The following FANK1 variants were observed in gnomAD, a reference collection of about 807,000 sequenced individuals.
The protein encoded by FANK1 is fibronectin type 3 and ankyrin repeat domains protein 1.
FANK1 carries 44 observed loss-of-function variants against 45.3 expected under a neutral mutation model. That is an observed-to-expected ratio of 0.97 (90% CI 0.76 to 1.25). The LOEUF (loss-of-function observed/expected upper bound fraction) is 1.25. Ranked by LOEUF, FANK1 falls within the 50% of genes most tolerant of loss-of-function variation. The probability of loss-of-function intolerance (pLI) is 0.00; values close to 1 mark genes in which losing one functional copy is unlikely to be tolerated. For synonymous variants in FANK1, 149 were observed against 152.5 expected, an observed-to-expected ratio of 0.98 and a Z score of 0.17; for missense variants, 391 against 424.4, an observed-to-expected ratio of 0.92 and a Z score of 0.69.
intron 1 of FANK1, among the ~76,000 whole-genome samples, chr10:125,967,171 G>T (rs1199538226): frequency 6.6e-6 from 1 of 152,030 alleles, no homozygotes; most frequent in Non-Finnish European, 1.5e-5. Context: ...TTTATTTTTT[G>T]TTGTGATTTA....
At chr10:125,952,217 G>A (rs1224439554) in intron 1 of FANK1, among the ~76,000 whole-genome samples, 1 of 152,052 alleles carries the variant, frequency 6.6e-6, no homozygotes, top group Non-Finnish European at 1.5e-5. Context: ...AAAGCGTGGT[G>A]TGTTTATAAT....
At chr10:125,999,764 G>C (rs1231558115) in intron 6 of FANK1, among the ~76,000 whole-genome samples, 1 of 152,100 alleles carries the variant, frequency 6.6e-6, no homozygotes, top group Non-Finnish European at 1.5e-5. Context: ...ATAGCTTGTA[G>C]GCATTTAATG....
rs555065697 is a variant in FANK1 at position 125,937,103 on chromosome 10, T to TTC, written c.13+40450_13+40451dup. Among the ~76,000 whole-genome samples the TTC allele has an allele frequency of 2.1e-3, 313 of 152,262 alleles. 2 individuals are homozygous for TTC. Among genetic ancestry groups the TTC allele is most frequent in the African/African-American group, 7.1e-3 (297 of 41,550 alleles). ...AAATAAAATAATACCTCTATGAGCA[T>TTC]TCTAGTACATGTTTGTTGGTAAACA... is the stretch of plus-strand genomic sequence containing the variant. On this transcript the variant is annotated intron_variant, in intron 1 of 10. Coordinates refer to ENST00000368693, the MANE Select transcript of FANK1 (RefSeq NM_145235.5).
chr10:125,938,724 G>T (rs933650057), intron 1 of FANK1, among the ~76,000 whole-genome samples: 1 of 152,038 alleles, frequency 6.6e-6, no homozygotes, highest in African/African-American at 2.4e-5. Flanking sequence ...CAGGAGAATC[G>T]CTTGAACCTG....
chr10:125,975,065 T>A (rs1487512764), intron 1 of FANK1: 2 of 152,224 alleles, frequency 1.3e-5, no homozygotes, highest in African/African-American at 4.8e-5. Flanking sequence ...TCTTCTCATT[T>A]AGCTTCCTCT....
At chr10:125,903,381 G>A (rs1308960133) in intron 1 of FANK1, among the ~76,000 whole-genome samples, 4 of 152,224 alleles carry the variant, frequency 2.6e-5, no homozygotes, top group African/African-American at 4.8e-5. Context: ...CTTAAGGGAG[G>A]CTGGAAGAAG....
At chr10:125,949,839 G>A (rs1355943635) in intron 1 of FANK1, among the ~76,000 whole-genome samples, 2 of 148,210 alleles carry the variant, frequency 1.3e-5, no homozygotes, top group Admixed American at 6.8e-5. Context: ...CAAAGCTGGA[G>A]GCATCACACT....
intron 1 of FANK1, among the ~76,000 whole-genome samples, chr10:125,941,419 ATTATGGG>A (rs1328758362): frequency 6.6e-6 from 1 of 152,248 alleles, no homozygotes; most frequent in Non-Finnish European, 1.5e-5. Context: ...CTGATAATGG[ATTATGGG>A]TCAGTGGAAA....
chr10:125,979,705 C>T (rs1470038069), intron 1 of FANK1: 2 of 351,874 alleles, frequency 5.7e-6, no homozygotes, highest in African/African-American at 2.1e-5. Flanking sequence ...AACCTTGGGC[C>T]TTTATTCCTG....
chr10:125,917,849 A>G (rs1250556530), intron 1 of FANK1, among the ~76,000 whole-genome samples: 3 of 152,312 alleles, frequency 2.0e-5, no homozygotes, highest in African/African-American at 4.8e-5. Context: ...TTGGAAGGAT[A>G]AGGCGGGAGG....
chr10:125,965,903 A>G (rs1266307875), intron 1 of FANK1, among the ~76,000 whole-genome samples: 1 of 152,248 alleles, frequency 6.6e-6, no homozygotes, highest in Admixed American at 6.5e-5. Flanking sequence ...CAAAGGCATT[A>G]TCACTACCTT....
chr10:126,007,668 G>A (rs1263350352), intron 7 of FANK1, among the ~76,000 whole-genome samples: 1 of 144,642 alleles, frequency 6.9e-6, no homozygotes, highest in Non-Finnish European at 1.5e-5. Flanking sequence ...GTGCTTATGT[G>A]CACATGGTAT....
chr10:125,922,432 C>T (rs962523308), intron 1 of FANK1, among the ~76,000 whole-genome samples: 26 of 152,144 alleles, frequency 1.7e-4, no homozygotes, highest in Non-Finnish European at 3.4e-4. Flanking sequence ...TATATTTTGT[C>T]CAGAGTTTCA....
At chr10:125,960,814 C>T (rs1347758107) in intron 1 of FANK1, among the ~76,000 whole-genome samples, 2 of 152,140 alleles carry the variant, frequency 1.3e-5, no homozygotes, top group Non-Finnish European at 2.9e-5. Flanking sequence ...GGATTACAGG[C>T]GTGAGCCACT....
At chr10:125,993,144 A>G (rs148563982) in intron 3 of FANK1, among the ~76,000 whole-genome samples, 3 of 152,304 alleles carry the variant, frequency 2.0e-5, no homozygotes, top group East Asian at 1.9e-4. Context: ...AGCTTAATTC[A>G]TAGGATTTGA....
rs536675281 is a variant in FANK1 at position 125,929,094 on chromosome 10, C to T, written c.13+32439C>T. Among the ~76,000 whole-genome samples the T allele has an allele frequency of 8.5e-5, 13 of 152,276 alleles. No individual in the cohort carries two copies. The East Asian group carries it at 1.7e-3, about 20-fold the overall frequency. On this transcript the variant is annotated intron_variant, in intron 1 of 10. Transcript: ENST00000368693. ...CAGTGGCATACAGCCTGATGATGTG[C>T]GTATGCACAGGAGTCCACGAAATAT...
intron 1 of FANK1, among the ~76,000 whole-genome samples, chr10:125,904,495 A>G (rs1945317451): frequency 6.6e-6 from 1 of 151,634 alleles, no homozygotes; most frequent in South Asian, 2.1e-4. Flanking sequence ...GCTGGAGTGC[A>G]GTGGCTATTC....
chr10:126,008,554 G>C lies in FANK1; in HGVS notation c.849+4G>C, dbSNP rs961902297. Reference sequence around the variant, plus strand: ...AAATGGAAAGACGCCCCTTATGGTAGGTCCTCCTCCCGAAAATAGGCAGTT... The same window carrying C: ...AAATGGAAAGACGCCCCTTATGGTACGTCCTCCTCCCGAAAATAGGCAGTT... On this transcript the variant is annotated splice_donor_region_variant and intron_variant, in intron 8 of 10. Coordinates refer to ENST00000368693, the MANE Select transcript of FANK1 (RefSeq NM_145235.5). 3 of 1,598,220 alleles carry C rather than the reference G, an allele frequency of 1.9e-6. No individual in the cohort carries two copies. Among genetic ancestry groups the C allele is most frequent in the Non-Finnish European group, 2.6e-6 (3 of 1,175,282 alleles).
At chr10:125,982,692 A>G (rs988219490) in intron 2 of FANK1, among the ~76,000 whole-genome samples, 1 of 152,162 alleles carries the variant, frequency 6.6e-6, no homozygotes, top group Admixed American at 6.5e-5. Context: ...TCATCAGTCT[A>G]TCTGGAAACA....
Sources: gnomAD v4.1 joint callset for allele counts (sites outside exome capture counted in the v4.1 genomes callset) on GRCh38, gnomAD v4.1.1 for gene constraint, MANE v1.5 for transcripts, NCBI Gene and HGNC (gene_info 2026-07-23, HGNC 2026-07-21) for gene names.